MAST4: variants seen among roughly 807,000 people sequenced by gnomAD.
MAST4 encodes the protein microtubule-associated serine/threonine-protein kinase 4.
A neutral mutation model predicts 162.7 loss-of-function variants in MAST4; 89 were observed. The ratio of observed to expected loss-of-function variants is 0.55; its 90% CI spans 0.46 to 0.65. The LOEUF (loss-of-function observed/expected upper bound fraction) is 0.65. Ranked by LOEUF, MAST4 falls within the 30% of genes least tolerant of loss-of-function variation. MAST4 has a pLI of 0.00. For missense variants in MAST4, 3,153 were observed against 3,374.0 expected (o/e 0.93, Z 1.62); for synonymous variants, 1,479 against 1,361.1 (o/e 1.09, Z -1.91).
chr5:66,689,109 C>T (rs1748875413), intron 1 of MAST4, among the ~76,000 whole-genome samples: 1 of 74,088 alleles, frequency 1.3e-5, no homozygotes, highest in Non-Finnish European at 2.3e-5. Context: ...CTTGCTTAAA[C>T]AGTTCCTTTT....
intron 4 of MAST4, among the ~76,000 whole-genome samples, chr5:66,908,925 T>C (rs1019206077): frequency 1.6e-4 from 24 of 152,220 alleles, no homozygotes; most frequent in African/African-American, 5.8e-4. Context: ...TCAAATTGTT[T>C]AGAGGATTAA....
intron 3 of MAST4, among the ~76,000 whole-genome samples, chr5:66,849,166 A>G (rs189594889): frequency 2.6e-4 from 40 of 152,232 alleles, no homozygotes; most frequent in African/African-American, 9.4e-4. Flanking sequence ...CTGGGGTTCC[A>G]TGTCTAGAGG....
intron 5 of MAST4, among the ~76,000 whole-genome samples, chr5:67,071,768 A>C (rs1246374022): frequency 6.6e-6 from 1 of 152,262 alleles, no homozygotes; most frequent in Non-Finnish European, 1.5e-5. Context: ...TCAAAAAAAC[A>C]AAAAGGATTT....
intron 26 of MAST4, among the ~76,000 whole-genome samples, chr5:67,156,588 T>G (rs986042924): frequency 2.1e-4 from 32 of 152,222 alleles, no homozygotes; most frequent in African/African-American, 7.7e-4. Flanking sequence ...GGCAATTCAG[T>G]ATATAGTCAG....
At chr5:67,151,853 G>T (rs531867757) in intron 24 of MAST4, among the ~76,000 whole-genome samples, 1 of 143,540 alleles carries the variant, frequency 7.0e-6, no homozygotes, top group African/African-American at 2.6e-5. Context: ...CTGCAGCCTC[G>T]ACCTCCCAGG....
At chr5:67,095,508 T>A (rs564823871) in intron 6 of MAST4, 89 bp from the exon 7 acceptor site, 58 of 953,456 alleles carry the variant, frequency 6.1e-5, no homozygotes, top group Admixed American at 3.1e-4. Context: ...GTTTGTGTCA[T>A]TTGTTTGACT....
intron 4 of MAST4, among the ~76,000 whole-genome samples, chr5:67,050,241 C>T (rs935012436): frequency 1.3e-5 from 2 of 152,124 alleles, no homozygotes; most frequent in African/African-American, 2.4e-5. Context: ...ACTGTTTTCG[C>T]GATGGTAATA....
chr5:66,895,289 C>T (rs458418), intron 3 of MAST4, among the ~76,000 whole-genome samples: 80,320 of 151,948 alleles, frequency 0.53, 21,569 homozygotes, highest in Middle Eastern at 0.6. Flanking sequence ...TTTTAAATGG[C>T]GAAGTCCCTG....
intron 4 of MAST4, among the ~76,000 whole-genome samples, chr5:66,907,179 G>C: frequency 6.9e-6 from 1 of 144,462 alleles, no homozygotes; most frequent in South Asian, 2.2e-4. Context: ...GAGAGAGAGA[G>C]AGAGAGAGAG....
At chr5:67,151,769 T>C (rs1267454048) in intron 24 of MAST4, among the ~76,000 whole-genome samples, 2 of 91,302 alleles carry the variant, frequency 2.2e-5, no homozygotes, top group African/African-American at 2.9e-4. Context: ...CTTTTTTTCT[T>C]TTTTTTTTTT....
chr5:66,832,697 A>C (rs1268962708), intron 3 of MAST4, among the ~76,000 whole-genome samples: 1 of 152,218 alleles, frequency 6.6e-6, no homozygotes, highest in African/African-American at 2.4e-5. Flanking sequence ...CCTGAAATTC[A>C]ATAGTAGGAT....
intron 10 of MAST4, among the ~76,000 whole-genome samples, chr5:67,108,019 C>T (rs1290217701): frequency 6.6e-6 from 1 of 152,150 alleles, no homozygotes; most frequent in Admixed American, 6.6e-5. Flanking sequence ...GTTGTTTTAA[C>T]AGGGCTTCTT....
intron 1 of MAST4, among the ~76,000 whole-genome samples, chr5:66,697,553 G>A (rs1248752648): frequency 6.6e-6 from 1 of 152,092 alleles, no homozygotes; most frequent in African/African-American, 2.4e-5. Context: ...CTGTGCAAGG[G>A]CAAATTTTCT....
At chr5:66,714,200 AC>A (rs1288908307) in intron 1 of MAST4, among the ~76,000 whole-genome samples, 1 of 152,054 alleles carries the variant, frequency 6.6e-6, no homozygotes, top group Non-Finnish European at 1.5e-5. Flanking sequence ...TCTTTTTCAA[AC>A]ACCTAATATG....
intron 3 of MAST4, among the ~76,000 whole-genome samples, chr5:66,827,999 G>A (rs532174884): frequency 5.3e-5 from 8 of 152,138 alleles, no homozygotes; most frequent in Non-Finnish European, 8.8e-5. Flanking sequence ...GAAATTGCAC[G>A]ATGGGAATTT....
intron 1 of MAST4, among the ~76,000 whole-genome samples, chr5:66,689,401 G>A (rs1160886397): frequency 1.3e-5 from 2 of 152,102 alleles, no homozygotes; most frequent in African/African-American, 4.8e-5. Flanking sequence ...CTTAAACTGA[G>A]CCCTCATCCA....
intron 1 of MAST4, among the ~76,000 whole-genome samples, chr5:66,635,946 G>GT (rs530576186): frequency 0.092 from 3,785 of 41,286 alleles, 1,536 homozygotes; most frequent in Non-Finnish European, 0.14. Context: ...GATAGAGACT[G>GT]TTTTTTTTTT....
intron 14 of MAST4, among the ~76,000 whole-genome samples, chr5:67,124,997 ATTCT>A (rs1012506071): frequency 7.2e-5 from 11 of 152,158 alleles, no homozygotes; most frequent in African/African-American, 2.4e-5. Context: ...AGAAATGGTG[ATTCT>A]TGATTGAAAA....
At chr5:66,779,850 C>G (rs1413408053) in intron 2 of MAST4, among the ~76,000 whole-genome samples, 3 of 152,108 alleles carry the variant, frequency 2.0e-5, no homozygotes, top group Non-Finnish European at 2.9e-5. Flanking sequence ...TTCTTCATTT[C>G]TTAAGTTTGA....
Sources: gnomAD v4.1 joint callset for allele counts (sites outside exome capture counted in the v4.1 genomes callset) on GRCh38, gnomAD v4.1.1 for gene constraint, MANE v1.5 for transcripts, NCBI Gene and HGNC (gene_info 2026-07-23, HGNC 2026-07-21) for gene names.